CNBD1: variants seen among roughly 807,000 people sequenced by gnomAD.
The protein encoded by CNBD1 is cyclic nucleotide-binding domain-containing protein 1.
A neutral mutation model predicts 54.4 loss-of-function variants in CNBD1; 71 were observed. The observed-to-expected ratio is 1.30, with a 90% CI of 1.08 to 1.59. The LOEUF (loss-of-function observed/expected upper bound fraction) is 1.59, where lower values mean the gene tolerates loss of function less well. Ranked by LOEUF, CNBD1 falls within the 40% of genes most tolerant of loss-of-function variation. The pLI, the probability that CNBD1 is intolerant of heterozygous loss-of-function variation, is 0.00. For synonymous variants in CNBD1, 182 were observed against 170.7 expected (o/e 1.07, Z -0.51); for missense variants, 659 against 518.0 (o/e 1.27, Z -2.64).
At chr8:87,184,803 T>G (rs1236521130) in intron 4 of CNBD1, among the ~76,000 whole-genome samples, 1 of 152,184 alleles carries the variant, frequency 6.6e-6, no homozygotes, top group Non-Finnish European at 1.5e-5. Flanking sequence ...CTTGATGGCA[T>G]GGTCTCTCTC....
chr8:87,140,765 G>A (rs746609562), intron 4 of CNBD1, among the ~76,000 whole-genome samples: 5 of 151,958 alleles, frequency 3.3e-5, no homozygotes, highest in African/African-American at 9.7e-5. Flanking sequence ...ATGTAGAATC[G>A]CAAACTTTAA....
chr8:87,300,706 A>G (rs1440903007), intron 8 of CNBD1, among the ~76,000 whole-genome samples: 6 of 151,846 alleles, frequency 4.0e-5, no homozygotes, highest in Admixed American at 2.6e-4. Context: ...TGTGTGATAC[A>G]CACACACATA....
At chr8:87,428,081 C>T (rs1487655473) in intron 2 of CNBD1, among the ~76,000 whole-genome samples, 1 of 151,238 alleles carries the variant, frequency 6.6e-6, no homozygotes, top group Non-Finnish European at 1.5e-5. Context: ...TATCTACCTG[C>T]TCTTGGTTTG....
chr8:87,128,112 A>G (rs1011024786), intron 4 of CNBD1, among the ~76,000 whole-genome samples: 1 of 152,096 alleles, frequency 6.6e-6, no homozygotes, highest in Admixed American at 6.5e-5. Flanking sequence ...CCAGCTCCCT[A>G]TCCATCCCTC....
intron 2 of CNBD1, among the ~76,000 whole-genome samples, chr8:87,418,126 G>A (rs2130990632): frequency 6.6e-6 from 1 of 151,968 alleles, no homozygotes; most frequent in Non-Finnish European, 1.5e-5. Context: ...GACACAAAGA[G>A]CACGCACACT....
chr8:87,010,523 G>A (rs937774320), intron 4 of CNBD1, among the ~76,000 whole-genome samples: 8 of 152,082 alleles, frequency 5.3e-5, no homozygotes, highest in African/African-American at 1.9e-4. Flanking sequence ...CCAGGCGGGT[G>A]GATCACCTGA....
intron 1 of CNBD1, among the ~76,000 whole-genome samples, chr8:86,878,105 T>TGTGTGTGAGA (rs56785226): frequency 9.2e-5 from 13 of 140,970 alleles, no homozygotes; most frequent in East Asian, 4.3e-4. Context: ...TGTGTGTGTG[T>TGTGTGTGAGA]GAGAGAGAGA....
intron 8 of CNBD1, among the ~76,000 whole-genome samples, chr8:87,312,721 A>G (rs1209712268): frequency 6.6e-6 from 1 of 152,010 alleles, no homozygotes. Flanking sequence ...TTTTTAAAAA[A>G]CAAATCTAGC....
intron 2 of CNBD1, among the ~76,000 whole-genome samples, chr8:87,392,136 A>G (rs1317134305): frequency 2.6e-5 from 4 of 152,026 alleles, no homozygotes; most frequent in African/African-American, 7.2e-5. Context: ...TTGAAAAATT[A>G]TAAAATATAG....
chr8:86,942,817 T>C (rs1309133273), intron 4 of CNBD1, among the ~76,000 whole-genome samples: 1 of 152,210 alleles, frequency 6.6e-6, no homozygotes, highest in Non-Finnish European at 1.5e-5. Flanking sequence ...TATTTCTGAC[T>C]CTGTTAATTG....
intron 8 of CNBD1, among the ~76,000 whole-genome samples, chr8:87,316,999 A>G (rs1809399757): frequency 6.6e-6 from 1 of 151,832 alleles, no homozygotes; most frequent in African/African-American, 2.4e-5. Context: ...CCTTAGATGA[A>G]TTACATAAAC....
intron 3 of CNBD1, among the ~76,000 whole-genome samples, chr8:86,927,640 T>C (rs141237682): frequency 6.6e-6 from 1 of 152,164 alleles, no homozygotes; most frequent in African/African-American, 2.4e-5. Context: ...ATTTTCGTCC[T>C]GGCAGGAGCT....
At chr8:87,332,619 C>G (rs1050648455) in intron 8 of CNBD1, among the ~76,000 whole-genome samples, 1 of 152,092 alleles carries the variant, frequency 6.6e-6, no homozygotes, top group African/African-American at 2.4e-5. Context: ...TTTTGCAGCA[C>G]TGTTTATTGT....
intron 5 of CNBD1, among the ~76,000 whole-genome samples, chr8:87,231,934 C>T (rs1255791545): frequency 1.3e-5 from 2 of 152,118 alleles, no homozygotes; most frequent in Non-Finnish European, 2.9e-5. Flanking sequence ...GTTGTCTGTC[C>T]CATAGGGGCA....
chr8:87,353,787 G>C lies in CNBD1; in HGVS notation c.1303+1G>C. 6.3e-7 allele frequency: 1 copy of C among 1,593,694 alleles called. No homozygotes were observed. The highest frequency in any genetic ancestry group is 8.5e-7 in the Non-Finnish European group (1 of 1,171,632). ...ATCATTGAAGATAAGGACCTATTTG[G>C]TAAATGCATAAATATCTTTTAACTG... On this transcript the variant is annotated splice_donor_variant, in intron 10 of 10. Transcript: ENST00000518476. LOFTEE classifies it high-confidence loss of function.
At chr8:86,948,927 T>G (rs762779177) in intron 4 of CNBD1, among the ~76,000 whole-genome samples, 20 of 152,186 alleles carry the variant, frequency 1.3e-4, no homozygotes, top group Admixed American at 3.3e-4. Flanking sequence ...TGATTTGATT[T>G]TTGTATATGG....
intron 4 of CNBD1, among the ~76,000 whole-genome samples, chr8:87,021,427 TAAG>T (rs1040159256): frequency 1.3e-5 from 2 of 152,240 alleles, no homozygotes; most frequent in African/African-American, 4.8e-5. Context: ...GTATGAATAA[TAAG>T]ATGCTATTTG....
At chr8:87,286,748 T>C (rs1436826113) in intron 8 of CNBD1, 77 bp downstream of exon 8, 2 of 948,662 alleles carry the variant, frequency 2.1e-6, no homozygotes, top group Non-Finnish European at 3.2e-6. Flanking sequence ...ATAGTTGTAA[T>C]ATTTTATACA....
chr8:87,141,754 G>T (rs919744387), intron 4 of CNBD1, among the ~76,000 whole-genome samples: 1 of 152,004 alleles, frequency 6.6e-6, no homozygotes, highest in Admixed American at 6.6e-5. Flanking sequence ...ATTAGAAAAG[G>T]TCCTATAGGA....
Sources: gnomAD v4.1 joint callset for allele counts (sites outside exome capture counted in the v4.1 genomes callset) on GRCh38, gnomAD v4.1.1 for gene constraint, MANE v1.5 for transcripts, NCBI Gene and HGNC (gene_info 2026-07-23, HGNC 2026-07-21) for gene names.